Variants in CSMD1 observed in about 807,000 individuals in gnomAD.
CSMD1 encodes CUB and Sushi multiple domains 1, also known as CUB and sushi domain-containing protein 1.
A neutral mutation model predicts 417.5 loss-of-function variants in CSMD1; 213 were observed. That is an observed-to-expected ratio of 0.51 (90% CI 0.46 to 0.57). The LOEUF (loss-of-function observed/expected upper bound fraction) is 0.57. Ranked by LOEUF, CSMD1 falls within the 20% of genes least tolerant of loss-of-function variation. The pLI, the probability that CSMD1 is intolerant of heterozygous loss-of-function variation, is 0.00. For missense variants in CSMD1, 6,923 were observed against 4,529.7 expected, an observed-to-expected ratio of 1.53 and a Z score of -15.17; for synonymous variants, 2,862 against 1,736.8, an observed-to-expected ratio of 1.65 and a Z score of -16.11.
intron 26 of CSMD1, among the ~76,000 whole-genome samples, chr8:3,274,328 G>C (rs1021548164): frequency 6.6e-6 from 1 of 152,158 alleles, no homozygotes; most frequent in East Asian, 1.9e-4. Context: ...TATATTTGCT[G>C]AGGAGTGCTT....
At chr8:3,031,641 C>G (rs1049496591) in intron 50 of CSMD1, among the ~76,000 whole-genome samples, 2 of 151,838 alleles carry the variant, frequency 1.3e-5, no homozygotes, top group African/African-American at 2.4e-5. Context: ...TCAAGTGATC[C>G]TCATGCTCAG....
chr8:3,829,337 G>T (rs542106597), intron 5 of CSMD1, among the ~76,000 whole-genome samples: 1 of 152,190 alleles, frequency 6.6e-6, no homozygotes, highest in Non-Finnish European at 1.5e-5. Flanking sequence ...CCATAACCAG[G>T]TCTTTCTGGT....
At chr8:3,953,621 G>C (rs898878309) in intron 5 of CSMD1, among the ~76,000 whole-genome samples, 1 of 152,080 alleles carries the variant, frequency 6.6e-6, no homozygotes, top group Admixed American at 6.6e-5. Flanking sequence ...CGCATTTCAA[G>C]GTTTCTATGT....
rs1253903777 is a variant in CSMD1 at position 4,019,444 on chromosome 8, ACATTCCCTTATT to A, written c.610+12449_610+12460del. On this transcript the variant is annotated intron_variant, in intron 4 of 69. Transcript: ENST00000635120. ...TCTTCATGTACCTAAAAGGAAGGGA[ACATTCCCTTATT>A]AGGGCCCTTATTAGGGCCCACTGTT... Among the ~76,000 whole-genome samples, 5 of 151,790 alleles carry A rather than the reference ACATTCCCTTATT, an allele frequency of 3.3e-5. No homozygotes were observed. The East Asian group carries it at 5.8e-4, about 18-fold the overall frequency.
chr8:4,427,408 T>C (rs1272558997), intron 2 of CSMD1, among the ~76,000 whole-genome samples: 1 of 151,738 alleles, frequency 6.6e-6, no homozygotes, highest in African/African-American at 2.4e-5. Context: ...TACCTTGGGG[T>C]CATAGAACTC....
At chr8:3,482,146 G>C (rs11785457) in intron 11 of CSMD1, among the ~76,000 whole-genome samples, 103,376 of 152,010 alleles carry the variant, frequency 0.68, 35,354 homozygotes, top group Middle Eastern at 0.77. Context: ...CAGAAATAAA[G>C]AAATAATAAA....
At chr8:4,053,734 T>A (rs1460121502) in intron 3 of CSMD1, among the ~76,000 whole-genome samples, 1 of 152,170 alleles carries the variant, frequency 6.6e-6, no homozygotes, top group African/African-American at 2.4e-5. Flanking sequence ...CAGAACTGGC[T>A]TCTTGAATTT....
intron 5 of CSMD1, among the ~76,000 whole-genome samples, chr8:3,968,565 A>G (rs1488551932): frequency 6.6e-6 from 1 of 152,214 alleles, no homozygotes; most frequent in African/African-American, 2.4e-5. Context: ...TTTGAACAAT[A>G]ACCAAGAGAA....
rs1585199219 is a variant in CSMD1, at chr8:4,046,073, T to A, written c.416-13974A>T. On this transcript the variant is annotated intron_variant, in intron 3 of 69. Transcript: ENST00000635120. ...GATTTTAAAATCAGTTCTCCCAATT[T>A]ATATACACACATTATATAACATATA... is the stretch of plus-strand genomic sequence containing the variant. 1.2e-4 allele frequency among the ~76,000 whole-genome samples: 19 copies of A among 152,234 alleles called. No individual in the cohort carries two copies. In the South Asian group the frequency reaches 3.9e-3, roughly 32 times the overall value.
intron 2 of CSMD1, among the ~76,000 whole-genome samples, chr8:4,450,536 G>A (rs900865962): frequency 2.0e-5 from 3 of 152,076 alleles, no homozygotes; most frequent in Non-Finnish European, 2.9e-5. Context: ...TTGGGAGGCT[G>A]AGGCACGGGA....
intron 3 of CSMD1, among the ~76,000 whole-genome samples, chr8:4,097,050 T>TAATTA (rs1801050574): frequency 6.6e-6 from 1 of 152,206 alleles, no homozygotes; most frequent in Non-Finnish European, 1.5e-5. Context: ...AACTGATGCC[T>TAATTA]CATTCATAAA....
chr8:3,408,323 C>G (rs11775235), intron 13 of CSMD1, 98 bp from the exon 14 acceptor site: 1 of 795,574 alleles, frequency 1.3e-6, no homozygotes, highest in Non-Finnish European at 2.0e-6. Context: ...CAATTCATGC[C>G]TGCAAATAGC....
At chr8:4,012,063 C>T (rs959811161) in intron 4 of CSMD1, among the ~76,000 whole-genome samples, 1 of 151,994 alleles carries the variant, frequency 6.6e-6, no homozygotes, top group African/African-American at 2.4e-5. Context: ...ACAGATGCAG[C>T]CATCATATGC....
chr8:3,284,816 T>A (rs896594637), intron 25 of CSMD1, among the ~76,000 whole-genome samples: 2 of 152,222 alleles, frequency 1.3e-5, no homozygotes, highest in Non-Finnish European at 2.9e-5. Flanking sequence ...TACGACCTTT[T>A]CTACCTGTGT....
intron 23 of CSMD1, among the ~76,000 whole-genome samples, chr8:3,341,032 G>T (rs1351861379): frequency 6.6e-6 from 1 of 152,196 alleles, no homozygotes; most frequent in Non-Finnish European, 1.5e-5. Context: ...CCCACAAACA[G>T]ATGAATAGAT....
chr8:4,620,340 T>G (rs2130812988), intron 2 of CSMD1, among the ~76,000 whole-genome samples: 1 of 151,744 alleles, frequency 6.6e-6, no homozygotes. Context: ...TGTATACACA[T>G]AAAAGCTACT....
At chr8:2,944,912 T>C (rs1299144892) in intron 68 of CSMD1, among the ~76,000 whole-genome samples, 1 of 152,106 alleles carries the variant, frequency 6.6e-6, no homozygotes, top group Admixed American at 6.6e-5. Flanking sequence ...TTCCAAATAA[T>C]AAAATGCTGG....
intron 3 of CSMD1, among the ~76,000 whole-genome samples, chr8:4,377,727 C>A (rs949412381): frequency 5.9e-5 from 9 of 152,188 alleles, no homozygotes; most frequent in Admixed American, 2.6e-4. Flanking sequence ...TAAAATACTT[C>A]TTACTCTGCC....
At position 4,574,817 on chromosome 8, in the gene CSMD1, A is replaced by T. The variant is rs1405605223; in HGVS notation, c.302+62525T>A. Among the ~76,000 whole-genome samples the T allele has an allele frequency of 3.9e-5, 6 of 152,312 alleles. No homozygotes were observed. The East Asian group carries it at 1.2e-3, about 29-fold the overall frequency. On this transcript the variant is annotated intron_variant, in intron 2 of 69. Transcript: ENST00000635120. ...ATTTGCCATCCAATATCAAAACAAA[A>T]CTAAAACAACAAAAATCTTTCATGA...
Sources: allele counts gnomAD v4.1 joint callset (sites outside exome capture counted in the v4.1 genomes callset), GRCh38; gene constraint gnomAD v4.1.1; transcripts MANE v1.5; gene names NCBI Gene and HGNC (gene_info 2026-07-23, HGNC 2026-07-21).